The following PRDM4 variants were observed in gnomAD, a reference collection of about 807,000 sequenced individuals.
The protein encoded by PRDM4 is PR/SET domain 4.
Under a neutral mutation model 62.3 loss-of-function variants are expected in PRDM4, and 38 were observed. The ratio of observed to expected loss-of-function variants is 0.61; its 90% CI spans 0.47 to 0.80. The LOEUF is 0.80. Ranked by LOEUF, PRDM4 falls within the 30% of genes least tolerant of loss-of-function variation. The probability of loss-of-function intolerance (pLI) is 0.00; values close to 1 mark genes in which losing one functional copy is unlikely to be tolerated. For missense variants in PRDM4, 858 were observed against 997.1 expected (o/e 0.86, Z 1.88); for synonymous variants, 339 against 348.2 (o/e 0.97, Z 0.30).
chr12:107,742,229 T>C lies in PRDM4; in HGVS notation c.1601A>G (p.Gln534Arg). Residue 534 changes from glutamine to arginine, a missense_variant, in exon 9 of 12, where the codon CAA (glutamine) becomes CGA (arginine). Transcript: ENST00000228437. ...LLFYYSRDYA[Q>R]QIGVPEHPDV... ...AACACATATTAACTTACCAATCTGT[T>C]GAGCATAATCTCGGCTATAATAAAA... is the stretch of plus-strand genomic sequence containing the variant. The C allele has an allele frequency of 1.2e-6, 2 of 1,613,146 alleles. No individual in the cohort carries two copies. Among genetic ancestry groups the C allele is most frequent in the Non-Finnish European group, 1.7e-6 (2 of 1,179,434 alleles).
intron 10 of PRDM4, among the ~76,000 whole-genome samples, 155 bp downstream of exon 10, chr12:107,740,791 G>C (rs1258530902): frequency 6.6e-6 from 1 of 152,142 alleles, no homozygotes; most frequent in Admixed American, 6.6e-5. Context: ...CTAATAATTG[G>C]AAGTGACAGC....
intron 11 of PRDM4, chr12:107,736,995 G>A (rs1359922977): frequency 3.3e-5 from 5 of 152,236 alleles, no homozygotes; most frequent in Admixed American, 6.5e-5. Flanking sequence ...GTTGCCTAGC[G>A]AACATCCAGC....
chr12:107,755,353 C>A (rs957435273), intron 3 of PRDM4, among the ~76,000 whole-genome samples: 2 of 152,088 alleles, frequency 1.3e-5, no homozygotes, highest in Non-Finnish European at 2.9e-5. Context: ...CTGCCTTGGC[C>A]TCTCAAAATG....
intron 4 of PRDM4, among the ~76,000 whole-genome samples, chr12:107,752,522 TA>T (rs1890927301): frequency 2.5e-5 from 2 of 79,528 alleles, no homozygotes; most frequent in Non-Finnish European, 8.4e-5. Flanking sequence ...TTTGCTCTCC[TA>T]ATTATTAAAA....
rs202056203 is a variant in PRDM4, at chr12:107,760,538, G to A, written c.-23C>T. 4.6e-3 allele frequency: 7,396 copies of A among 1,612,956 alleles called. 37 individuals are homozygous for A. The highest frequency in any genetic ancestry group is 0.012 in the South Asian group (1,117 of 90,834). The stretch of plus-strand genomic sequence containing the variant: ...CATCGGCTTGGGGCCAAATATCAGA[G>A]AAAGGAGCGCTCGGGTGGTGGGGAA... On this transcript the variant is annotated 5_prime_UTR_variant, in exon 2 of 12. Coordinates refer to ENST00000228437, the MANE Select transcript of PRDM4 (RefSeq NM_012406.4).
At chr12:107,750,170 G>A (rs1439482557) in intron 5 of PRDM4, among the ~76,000 whole-genome samples, 3 of 152,140 alleles carry the variant, frequency 2.0e-5, no homozygotes, top group African/African-American at 7.2e-5. Flanking sequence ...CTACCAGACT[G>A]TAAGCTCCTT....
In PRDM4 at chr12:107,739,375, T is replaced by C; in HGVS notation, c.2093+8A>G. Reference sequence around the variant, plus strand: ...GAGGAACGACGTCTTGGCTGCAGGGTAACTTACTGAGTGTGGATGAGCACG... The same window carrying C: ...GAGGAACGACGTCTTGGCTGCAGGGCAACTTACTGAGTGTGGATGAGCACG... On this transcript the variant is annotated splice_region_variant and intron_variant, in intron 11 of 11. Coordinates refer to ENST00000228437, the MANE Select transcript of PRDM4 (RefSeq NM_012406.4). 1 of 1,611,706 alleles carries C rather than the reference T, an allele frequency of 6.2e-7. No individual in the cohort carries two copies. Among genetic ancestry groups the C allele is most frequent in the African/African-American group, 1.3e-5 (1 of 74,966 alleles).
intron 5 of PRDM4, 32 bp downstream of exon 5, chr12:107,751,383 A>G (rs778311191): frequency 1.3e-6 from 2 of 1,564,830 alleles, no homozygotes; most frequent in South Asian, 2.3e-5. Context: ...TTTTACAAAT[A>G]TTTCCAAAAA....
chr12:107,741,386 ACTAAAATAATGTACTAAGGGCAT>A, intron 9 of PRDM4, 126 bp from the exon 10 acceptor site: 1 of 897,364 alleles, frequency 1.1e-6, no homozygotes, highest in Non-Finnish European at 1.7e-6. Flanking sequence ...TTCCTATAAA[ACTAAAATAATGTACTAAGGGCAT>A]CTAAAATAAT....
intron 7 of PRDM4, 116 bp downstream of exon 7, chr12:107,744,427 G>A (rs896909627): frequency 2.6e-5 from 30 of 1,133,086 alleles, no homozygotes; most frequent in Non-Finnish European, 3.4e-5. Context: ...ATAAATGACT[G>A]ACCAGTGAAT....
chr12:107,737,945 T>G (rs1890387318), intron 11 of PRDM4: 3 of 152,234 alleles, frequency 2.0e-5, no homozygotes, highest in Admixed American at 2.0e-4. Flanking sequence ...AGGATGGGGC[T>G]TCCATGATGT....
intron 9 of PRDM4, among the ~76,000 whole-genome samples, chr12:107,741,725 A>G (rs996762750): frequency 6.6e-6 from 1 of 152,142 alleles, no homozygotes; most frequent in Non-Finnish European, 1.5e-5. Flanking sequence ...AAATACACAC[A>G]TACATAAGTA....
rs555603685 is a variant in PRDM4, at chr12:107,745,172, G to C, written c.1277-511C>G. ...AAATGTAATGAACAGATAACATAGG[G>C]CTCACAATAAATGCTGAGTAAGAAG... On this transcript the variant is annotated intron_variant, in intron 6 of 11. Coordinates refer to ENST00000228437, the MANE Select transcript of PRDM4 (RefSeq NM_012406.4). Among the ~76,000 whole-genome samples the C allele has an allele frequency of 2.0e-5, 3 of 152,306 alleles. No homozygotes were observed. In the East Asian group the frequency reaches 5.8e-4, roughly 29 times the overall value.
chr12:107,751,916 T>G lies in PRDM4; in HGVS notation c.625A>C (p.Met209Leu). The G allele has an allele frequency of 6.2e-7, 1 of 1,614,220 alleles. No individual in the cohort carries two copies. Residue 209 changes from methionine to leucine, a missense_variant, in exon 5 of 12, where the codon ATG becomes CTG. By Grantham distance (15) the Met-to-Leu change is conservative. This residue lies in a region of PRDM4 where 499 missense variants were observed against 546.7 expected (regional missense o/e 0.91). Transcript: ENST00000228437. ...CCGTCCATCGTAAGCTCCTCTGCCA[T>G]TCCATCTGTCGAAATTGGGCTGGTA... The part of the protein sequence containing the change: ...RVTSPISTDG[M>L]AEELTMDGVA...
At chr12:107,746,606 T>G (rs1365004600) in intron 5 of PRDM4, among the ~76,000 whole-genome samples, 182 bp from the exon 6 acceptor site, 1 of 151,936 alleles carries the variant, frequency 6.6e-6, no homozygotes, top group East Asian at 1.9e-4. Context: ...TGTCTGAGCC[T>G]CCCATATAGC....
intron 2 of PRDM4, chr12:107,758,252 T>G (rs900449961): frequency 2.8e-5 from 4 of 145,220 alleles, no homozygotes; most frequent in Non-Finnish European, 4.5e-5. Flanking sequence ...TTTTTTTTTT[T>G]TTTTTTTTTG....
At chr12:107,752,649 T>C (rs956038813) in intron 4 of PRDM4, among the ~76,000 whole-genome samples, 5 of 152,144 alleles carry the variant, frequency 3.3e-5, no homozygotes, top group African/African-American at 1.2e-4. Flanking sequence ...CAATTGTACC[T>C]GTTTTATTAA....
chr12:107,761,058 C>G lies in PRDM4; in HGVS notation c.-358G>C, dbSNP rs1187121671. 1.3e-5 allele frequency: 2 copies of G among 151,682 alleles called. No homozygotes were observed. Among genetic ancestry groups the G allele is most frequent in the Admixed American group, 1.3e-4 (2 of 15,200 alleles). The allele number at this position is 151,682 out of a possible 1,614,324, so 9.4% of individuals were successfully genotyped here. A position where few individuals can be genotyped will look rare whatever the true frequency, so the allele number is the denominator to read the frequency against. On this transcript the variant is annotated 5_prime_UTR_variant, in exon 1 of 12. Transcript: ENST00000228437. Reference sequence around the variant, plus strand: ...CTGCCCGTCCGCTCGGCCCCCTCACCCCGGGGGCCGCTGCCCTAACGTTTC... The same window carrying G: ...CTGCCCGTCCGCTCGGCCCCCTCACGCCGGGGGCCGCTGCCCTAACGTTTC...
intron 4 of PRDM4, among the ~76,000 whole-genome samples, chr12:107,753,391 A>G (rs1006027397): frequency 3.4e-5 from 5 of 146,022 alleles, no homozygotes; most frequent in Admixed American, 2.8e-4. Context: ...AAAAAAAAAG[A>G]AAAGAAAAAA....
Sources: gnomAD v4.1 joint callset for allele counts (sites outside exome capture counted in the v4.1 genomes callset) on GRCh38, gnomAD v4.1.1 for gene constraint, gnomAD v4.1.1 regional missense constraint, MANE v1.5 for transcripts, NCBI Gene and HGNC (gene_info 2026-07-23, HGNC 2026-07-21) for gene names.